The following RUSC2 variants were observed in gnomAD, a reference collection of about 807,000 sequenced individuals.
The protein encoded by RUSC2 is AP-4 complex accessory subunit RUSC2.
RUSC2 carries 34 observed loss-of-function variants against 122.2 expected under a neutral mutation model. That is an observed-to-expected ratio of 0.28 (90% CI 0.21 to 0.37). RUSC2 has a LOEUF of 0.37. Among genes scored for constraint, RUSC2 ranks in the 10% least tolerant of loss-of-function variants. The probability of loss-of-function intolerance (pLI) is 1.00; values close to 1 mark genes in which losing one functional copy is unlikely to be tolerated. For synonymous variants in RUSC2, 784 were observed against 790.0 expected, an observed-to-expected ratio of 0.99 and a Z score of 0.13; for missense variants, 1,747 against 1,952.4, an observed-to-expected ratio of 0.89 and a Z score of 1.98.
rs370356562 is a variant in RUSC2 at position 35,558,505 on chromosome 9, C to T, written c.3279C>T (p.Ser1093=). The T allele has an allele frequency of 1.2e-6, 2 of 1,614,154 alleles. No homozygotes were observed. Among genetic ancestry groups the T allele is most frequent in the Middle Eastern group, 1.6e-4 (1 of 6,062 alleles). ...TGCATGGCCTCTACAACAAAGTCAG[C>T]CAATTCCCAGAGCTCACCAGTCATA... ...KVLHGLYNKV[S]QFPELTSHTM... Residue 1093 remains serine, a synonymous_variant, in exon 8 of 12, where the codon AGC becomes AGT. Transcript: ENST00000361226. The surrounding 1 kb of genome is among the most constrained non-coding windows in gnomAD (Gnocchi z 4.3).
At chr9:35,529,329 C>T (rs763403928) in intron 1 of RUSC2, among the ~76,000 whole-genome samples, 2 of 151,416 alleles carry the variant, frequency 1.3e-5, no homozygotes, top group African/African-American at 2.4e-5. Context: ...CTGAAGGTCA[C>T]GTGCTCATCT....
intron 1 of RUSC2, among the ~76,000 whole-genome samples, chr9:35,513,092 G>A (rs1265049942): frequency 6.6e-6 from 1 of 152,196 alleles, no homozygotes; most frequent in Non-Finnish European, 1.5e-5. Flanking sequence ...CGATGATGAT[G>A]ACTGCTAAGA....
chr9:35,530,778 T>TAC (rs965147562), intron 1 of RUSC2, among the ~76,000 whole-genome samples: 16 of 151,862 alleles, frequency 1.1e-4, no homozygotes, highest in African/African-American at 3.6e-4. Flanking sequence ...CAGCTGGGAT[T>TAC]ACACACACAC....
intron 1 of RUSC2, among the ~76,000 whole-genome samples, chr9:35,518,691 G>A (rs1197132786): frequency 1.3e-5 from 2 of 152,168 alleles, no homozygotes; most frequent in Non-Finnish European, 2.9e-5. Flanking sequence ...AAAAATCTCT[G>A]GTGGCAGATT....
At chr9:35,525,528 G>A (rs746955775) in intron 1 of RUSC2, among the ~76,000 whole-genome samples, 21 of 151,866 alleles carry the variant, frequency 1.4e-4, no homozygotes, top group Non-Finnish European at 2.4e-4. Flanking sequence ...GGTCGAGCAC[G>A]GTGGCTCATG....
chr9:35,529,196 C>T (rs777222701), intron 1 of RUSC2, among the ~76,000 whole-genome samples: 20 of 151,978 alleles, frequency 1.3e-4, no homozygotes, highest in Non-Finnish European at 2.9e-4. Context: ...AAAGAAAATG[C>T]ATAACTGTTA....
At chr9:35,559,363 G>A (rs1822092315) in intron 9 of RUSC2, 91 bp downstream of exon 9, 1 of 1,119,232 alleles carries the variant, frequency 8.9e-7, no homozygotes, top group Middle Eastern at 2.0e-4. Flanking sequence ...ATTGCTGGAG[G>A]TGGGGAGGGG....
intron 1 of RUSC2, among the ~76,000 whole-genome samples, chr9:35,523,425 ATC>A (rs1465228374): frequency 6.6e-6 from 1 of 152,230 alleles, no homozygotes; most frequent in Non-Finnish European, 1.5e-5. Flanking sequence ...ACTCTGAACT[ATC>A]TTTGCAACTT....
At chr9:35,508,061 C>G (rs1564245893) in intron 1 of RUSC2, among the ~76,000 whole-genome samples, 1 of 152,172 alleles carries the variant, frequency 6.6e-6, no homozygotes, top group Non-Finnish European at 1.5e-5. Context: ...TCTCTTCTAC[C>G]TCTCACCCTC....
At chr9:35,528,351 T>C (rs1291807375) in intron 1 of RUSC2, among the ~76,000 whole-genome samples, 2 of 151,696 alleles carry the variant, frequency 1.3e-5, no homozygotes, top group African/African-American at 4.8e-5. Context: ...GCCACTGCAC[T>C]CCAGCCTGGG....
At chr9:35,550,560 A>C (rs1041898810) in intron 2 of RUSC2, among the ~76,000 whole-genome samples, 1 of 151,966 alleles carries the variant, frequency 6.6e-6, no homozygotes, top group Non-Finnish European at 1.5e-5. Context: ...CAGGAGACAG[A>C]GGTTGCAGTG....
At chr9:35,526,710 T>C (rs2132524735) in intron 1 of RUSC2, among the ~76,000 whole-genome samples, 1 of 152,252 alleles carries the variant, frequency 6.6e-6, no homozygotes, top group Non-Finnish European at 1.5e-5. Flanking sequence ...GCCCAGGAGT[T>C]CAAGGTTGCA....
intron 1 of RUSC2, among the ~76,000 whole-genome samples, chr9:35,522,375 C>T (rs1178879853): frequency 6.6e-6 from 1 of 152,192 alleles, no homozygotes; most frequent in Admixed American, 6.5e-5. Flanking sequence ...TGGGGCCCCC[C>T]ACAGTAAGGA....
At chr9:35,540,323 C>T (rs1821616862) in intron 1 of RUSC2, among the ~76,000 whole-genome samples, 1 of 152,180 alleles carries the variant, frequency 6.6e-6, no homozygotes, top group Admixed American at 6.5e-5. Flanking sequence ...GCTATGATCG[C>T]ATCACTGCAC....
At chr9:35,529,108 A>C (rs895168746) in intron 1 of RUSC2, among the ~76,000 whole-genome samples, 1 of 152,156 alleles carries the variant, frequency 6.6e-6, no homozygotes, top group African/African-American at 2.4e-5. Context: ...GAATATTCTC[A>C]ATTTTTCTCT....
At chr9:35,515,324 A>C (rs932529422) in intron 1 of RUSC2, among the ~76,000 whole-genome samples, 2 of 152,168 alleles carry the variant, frequency 1.3e-5, no homozygotes. Flanking sequence ...CTACCATGTA[A>C]AAGTGTCATA....
chr9:35,512,561 C>T (rs1249601209), intron 1 of RUSC2, among the ~76,000 whole-genome samples: 3 of 152,096 alleles, frequency 2.0e-5, no homozygotes, highest in African/African-American at 7.2e-5. Context: ...TCATGAGGTC[C>T]AGGCTTTCAG....
Position 35,511,908 on chromosome 9 carries a change from C to T in RUSC2, c.-93+21736C>T, listed in dbSNP as rs187988002. ...AATATAGGAAAATCTCGGCCGGGCGCGGTGGCTCACGCCTGTAATCTTAGC... is the reference window on the plus strand; with the variant it reads ...AATATAGGAAAATCTCGGCCGGGCGTGGTGGCTCACGCCTGTAATCTTAGC... On this transcript the variant is annotated intron_variant, in intron 1 of 11. Transcript: ENST00000361226. 3.9e-5 allele frequency among the ~76,000 whole-genome samples: 6 copies of T among 152,206 alleles called. No individual in the cohort carries two copies. In the East Asian group the frequency reaches 7.7e-4, roughly 20 times the overall value.
At chr9:35,551,115 G>A (rs749286223) in intron 2 of RUSC2, among the ~76,000 whole-genome samples, 16 of 152,082 alleles carry the variant, frequency 1.1e-4, no homozygotes, top group Non-Finnish European at 1.9e-4. Context: ...GGAACCAAAG[G>A]AGGAGAAAGT....
Sources: gnomAD v4.1 joint callset for allele counts (sites outside exome capture counted in the v4.1 genomes callset) on GRCh38, gnomAD v4.1.1 for gene constraint, Gnocchi (gnomAD v3.1) non-coding constraint, MANE v1.5 for transcripts, NCBI Gene and HGNC (gene_info 2026-07-23, HGNC 2026-07-21) for gene names.